ATP2B2: variants seen among roughly 807,000 people sequenced by gnomAD.
ATP2B2 encodes the protein plasma membrane calcium-transporting ATPase 2.
A neutral mutation model predicts 120.0 loss-of-function variants in ATP2B2; 15 were observed. That is an observed-to-expected ratio of 0.12 (90% CI 0.08 to 0.19). ATP2B2 has a LOEUF of 0.19. Ranked by LOEUF, ATP2B2 falls within the 10% of genes least tolerant of loss-of-function variation. The pLI is 1.00. For synonymous variants in ATP2B2, 694 were observed against 700.3 expected (o/e 0.99, Z 0.14); for missense variants, 1,045 against 1,719.8 (o/e 0.61, Z 6.94).
At chr3:10,365,970 G>A (rs1194095909) in intron 12 of ATP2B2, among the ~76,000 whole-genome samples, 3 of 150,976 alleles carry the variant, frequency 2.0e-5, no homozygotes, top group South Asian at 4.2e-4. Flanking sequence ...TTCCAGAGAC[G>A]GTGTTCGCCA....
At chr3:10,495,430 C>T (rs1356981109) in intron 1 of ATP2B2, among the ~76,000 whole-genome samples, 4 of 152,206 alleles carry the variant, frequency 2.6e-5, no homozygotes, top group Non-Finnish European at 5.9e-5. Context: ...CCATGTTGCT[C>T]ATCTGTAAAT....
chr3:10,616,293 G>A (rs2069384465), intron 2 of ATP2B2, among the ~76,000 whole-genome samples: 1 of 152,200 alleles, frequency 6.6e-6, no homozygotes, highest in Non-Finnish European at 1.5e-5. Flanking sequence ...TCTGACTGGT[G>A]TCTTTATAAG....
chr3:10,616,809 A>G (rs1575561749), intron 2 of ATP2B2, among the ~76,000 whole-genome samples: 1 of 152,216 alleles, frequency 6.6e-6, no homozygotes. Context: ...AAGCACAAAG[A>G]AAAAAACAAG....
intron 1 of ATP2B2, among the ~76,000 whole-genome samples, chr3:10,681,784 C>T (rs1008561688): frequency 2.6e-5 from 4 of 152,204 alleles, no homozygotes; most frequent in East Asian, 3.8e-4. Context: ...TGCTCTAAGT[C>T]GTGCAGCTAG....
intron 1 of ATP2B2, among the ~76,000 whole-genome samples, chr3:10,667,663 G>A (rs1436289145): frequency 6.6e-6 from 1 of 152,184 alleles, no homozygotes; most frequent in African/African-American, 2.4e-5. Flanking sequence ...ATTCTACAGA[G>A]GTCGAGGGAA....
intron 2 of ATP2B2, among the ~76,000 whole-genome samples, chr3:10,446,237 C>A (rs942897113): frequency 6.6e-6 from 1 of 152,254 alleles, no homozygotes; most frequent in African/African-American, 2.4e-5. Context: ...TTCCGGAGAA[C>A]GTGCCCACTT....
intron 1 of ATP2B2, among the ~76,000 whole-genome samples, chr3:10,471,677 G>A (rs193015784): frequency 8.5e-5 from 13 of 152,116 alleles, no homozygotes; most frequent in African/African-American, 2.4e-4. Context: ...GGAAGGTGAC[G>A]AATATGTTAA....
chr3:10,657,642 G>T (rs1376662236), intron 1 of ATP2B2, among the ~76,000 whole-genome samples: 1 of 152,242 alleles, frequency 6.6e-6, no homozygotes, highest in African/African-American at 2.4e-5. Flanking sequence ...AAGGAGGCCT[G>T]CCTGCCTCTG....
At chr3:10,661,306 T>C (rs1320412933) in intron 1 of ATP2B2, among the ~76,000 whole-genome samples, 1 of 152,108 alleles carries the variant, frequency 6.6e-6, no homozygotes, top group East Asian at 1.9e-4. Flanking sequence ...GGAAGTCAAA[T>C]TGTCTCTGTT....
intron 1 of ATP2B2, among the ~76,000 whole-genome samples, chr3:10,461,524 C>T (rs552398788): frequency 5.3e-5 from 8 of 152,280 alleles, no homozygotes; most frequent in East Asian, 3.9e-4. Flanking sequence ...TCTCTGGGTG[C>T]GGCTCAAGGA....
chr3:10,568,406 G>C (rs2068055188), intron 2 of ATP2B2, among the ~76,000 whole-genome samples: 1 of 152,108 alleles, frequency 6.6e-6, no homozygotes. Flanking sequence ...GGTGTCCCAT[G>C]GTGTGAAAAC....
intron 2 of ATP2B2, among the ~76,000 whole-genome samples, chr3:10,540,870 A>T (rs28872508): frequency 0.083 from 12,076 of 145,056 alleles, 698 homozygotes; most frequent in East Asian, 0.29. Context: ...AAATATAATT[A>T]AAAAAAAAAA....
rs40336 is a variant in ATP2B2, at chr3:10,337,919, T to C, written c.3420+257A>G. On this transcript the variant is annotated intron_variant, in intron 22 of 22. Coordinates refer to ENST00000360273, the MANE Select transcript of ATP2B2 (RefSeq NM_001001331.4). ...CTCAGGGAAATCCCCCTGGAGACCA[T>C]GGTGGGTGTGACCCCTACCACTTCC... 0.49 allele frequency among the ~76,000 whole-genome samples: 74,335 copies of C among 152,034 alleles called. 18,654 individuals are homozygous for C. The highest frequency in any genetic ancestry group is 0.66 in the South Asian group (3,173 of 4,822).
chr3:10,498,952 C>T (rs1412862929), intron 1 of ATP2B2, among the ~76,000 whole-genome samples: 2 of 152,186 alleles, frequency 1.3e-5, no homozygotes, highest in Non-Finnish European at 2.9e-5. Context: ...GATGAGGGTT[C>T]CATTTGAGAC....
intron 2 of ATP2B2, among the ~76,000 whole-genome samples, chr3:10,609,970 C>A (rs1375329062): frequency 1.3e-5 from 2 of 152,012 alleles, no homozygotes; most frequent in Non-Finnish European, 2.9e-5. Context: ...CTCATCGCAG[C>A]CCTGGAAAAA....
chr3:10,437,362 T>A (rs1051053025), intron 2 of ATP2B2, among the ~76,000 whole-genome samples: 19 of 152,212 alleles, frequency 1.2e-4, no homozygotes, highest in African/African-American at 4.6e-4. Context: ...TTATTACTTC[T>A]CACAGCCCAG....
chr3:10,575,403 A>G (rs2068222255), intron 2 of ATP2B2, among the ~76,000 whole-genome samples: 1 of 152,026 alleles, frequency 6.6e-6, no homozygotes, highest in African/African-American at 2.4e-5. Context: ...TGGGAAAATG[A>G]CCTCCTAGAG....
In ATP2B2 at chr3:10,346,161, G is replaced by C. The variant is rs374310116; in HGVS notation, c.2405-24C>G. On this transcript the variant is annotated intron_variant, in intron 16 of 22. Coordinates refer to ENST00000360273, the MANE Select transcript of ATP2B2 (RefSeq NM_001001331.4). The surrounding 1 kb of genome is among the most constrained non-coding windows in gnomAD (Gnocchi z 4.1). ...GCCTGTTGGGGCAGGAGTGTGCTCAGGCCCTGGGCCACTCAGGTGGGAGGC... is the reference window on the plus strand; with the variant it reads ...GCCTGTTGGGGCAGGAGTGTGCTCACGCCCTGGGCCACTCAGGTGGGAGGC... 6.4e-5 allele frequency: 103 copies of C among 1,605,052 alleles called. No individual in the cohort carries two copies. The highest frequency in any genetic ancestry group is 7.9e-5 in the Non-Finnish European group (93 of 1,178,350).
chr3:10,425,119 C>T (rs510210), intron 2 of ATP2B2, among the ~76,000 whole-genome samples: 66,728 of 148,590 alleles, frequency 0.45, 15,389 homozygotes, highest in East Asian at 0.7. Flanking sequence ...GATGAAACTC[C>T]GTCTCTACTA....
Sources: gnomAD v4.1 joint callset for allele counts (sites outside exome capture counted in the v4.1 genomes callset) on GRCh38, gnomAD v4.1.1 for gene constraint, Gnocchi (gnomAD v3.1) non-coding constraint, MANE v1.5 for transcripts, NCBI Gene and HGNC (gene_info 2026-07-23, HGNC 2026-07-21) for gene names.